Variants in RAB11FIP4 observed in about 807,000 individuals in gnomAD.
RAB11FIP4 encodes rab11 family-interacting protein 4.
RAB11FIP4 carries 23 observed loss-of-function variants against 74.3 expected under a neutral mutation model. The observed-to-expected ratio is 0.31, with a 90% CI of 0.22 to 0.44. RAB11FIP4 has a LOEUF of 0.44. Ranked by LOEUF, RAB11FIP4 falls within the 20% of genes least tolerant of loss-of-function variation. The pLI is 1.00. For missense variants in RAB11FIP4, 630 were observed against 863.9 expected (o/e 0.73, Z 3.39); for synonymous variants, 360 against 359.9 (o/e 1.00, Z 0.00).
At chr17:31,474,847 A>T (rs1404233235) in intron 3 of RAB11FIP4, among the ~76,000 whole-genome samples, 1 of 43,228 alleles carries the variant, frequency 2.3e-5, no homozygotes, top group African/African-American at 1.3e-4. Flanking sequence ...CTGTCTCAAA[A>T]AACAAAACAA....
rs79667298 is a variant in RAB11FIP4, at chr17:31,524,043, C to T, written c.1133+47C>T. 7.6e-4 allele frequency: 1,055 copies of T among 1,394,438 alleles called. 6 individuals are homozygous for T. The African/African-American group carries it at 0.014, about 18-fold the overall frequency. 86.4% of individuals were successfully genotyped at this position (1,394,438 alleles called of 1,614,324 possible). ...GGGGCTCGGCCGTGACGCTGGGGAA[C>T]AAAGGGGGGTCCATCTTGCTAAGAC... On this transcript the variant is annotated intron_variant, in intron 9 of 14. Transcript: ENST00000621161.
chr17:31,447,108 C>G (rs1377483125), intron 3 of RAB11FIP4, among the ~76,000 whole-genome samples: 1 of 152,176 alleles, frequency 6.6e-6, no homozygotes, highest in East Asian at 1.9e-4. Context: ...CACGGTGAAA[C>G]CCCGTCTCCA....
In RAB11FIP4 at chr17:31,431,938, G is replaced by T. The variant is rs767999266; in HGVS notation, c.247+38G>T. Reference sequence around the variant, plus strand: ...CGGGAGGCTTTCCCAGGCGCTCTCCGGTCCTGCCCAGCTGGGGAAGCTGGT... The same window carrying T: ...CGGGAGGCTTTCCCAGGCGCTCTCCTGTCCTGCCCAGCTGGGGAAGCTGGT... On this transcript the variant is annotated intron_variant, in intron 2 of 14. Coordinates refer to ENST00000621161, the MANE Select transcript of RAB11FIP4 (RefSeq NM_032932.6). 2.7e-6 allele frequency: 4 copies of T among 1,464,478 alleles called. No homozygotes were observed. In the East Asian group the frequency reaches 9.2e-5, roughly 34 times the overall value. The allele number at this position is 1,464,478 out of a possible 1,614,324, so 90.7% of individuals were successfully genotyped here. A position where few individuals can be genotyped will look rare whatever the true frequency, so the allele number is the denominator to read the frequency against.
chr17:31,522,201 GA>G (rs2142818546), intron 6 of RAB11FIP4, 152 bp downstream of exon 6: 2 of 1,309,366 alleles, frequency 1.5e-6, no homozygotes, highest in East Asian at 4.6e-5. Context: ...TCTGCCACAG[GA>G]AATCAGGCTG....
At chr17:31,508,175 AAGTGGCAC>A (rs1238532555) in intron 3 of RAB11FIP4, among the ~76,000 whole-genome samples, 3 of 152,084 alleles carry the variant, frequency 2.0e-5, no homozygotes, top group African/African-American at 7.2e-5. Flanking sequence ...ATTGGAACGG[AAGTGGCAC>A]AGTGGGGAGA....
Position 31,522,000 on chromosome 17 carries a change from A to C in RAB11FIP4, c.844A>C (p.Asn282His), listed in dbSNP as rs192634486. The C allele has an allele frequency of 6.2e-7, 1 of 1,614,178 alleles. No individual in the cohort carries two copies. Among genetic ancestry groups the C allele is most frequent in the Non-Finnish European group, 8.5e-7 (1 of 1,180,044 alleles). ...CTGCTCTCAATGCTGCAAGAAAATC[A>C]ACCTGCTCAATGACTTGGAAGCCCG... ...VYCSQCCKKINLLNDLEARLK... is the reference protein window; with the variant it reads ...VYCSQCCKKIHLLNDLEARLK... The change falls in exon 6 of 15, where the codon AAC becomes CAC. Residue 282 changes from asparagine (N) to histidine (H), a missense_variant. Coordinates refer to ENST00000621161, the MANE Select transcript of RAB11FIP4 (RefSeq NM_032932.6).
intron 3 of RAB11FIP4, among the ~76,000 whole-genome samples, chr17:31,506,805 C>G (rs1240692009): frequency 2.0e-5 from 3 of 152,178 alleles, no homozygotes; most frequent in African/African-American, 7.2e-5. Context: ...ACTTAGTTGA[C>G]TCCATATTTT....
chr17:31,475,332 T>A (rs1424621243), intron 3 of RAB11FIP4, among the ~76,000 whole-genome samples: 2 of 152,198 alleles, frequency 1.3e-5, no homozygotes, highest in African/African-American at 4.8e-5. Flanking sequence ...CAAAGGGCAC[T>A]GGTGCGCTTC....
intron 1 of RAB11FIP4, among the ~76,000 whole-genome samples, chr17:31,426,599 C>CTTTTTTTTTTTTTTTTTTTTTT (rs59839758): frequency 8.2e-6 from 1 of 122,062 alleles, no homozygotes. Context: ...TTTTCTTTTC[C>CTTTTTTTTTTTTTTTTTTTTTT]TTTTTTTTTT....
intron 3 of RAB11FIP4, among the ~76,000 whole-genome samples, chr17:31,444,759 T>G (rs8076536): frequency 0.016 from 2,450 of 152,302 alleles, 74 homozygotes; most frequent in African/African-American, 0.056. Flanking sequence ...GGGAAAAATT[T>G]GGGTTTTATG....
chr17:31,393,313 G>A (rs1208058677), intron 1 of RAB11FIP4, among the ~76,000 whole-genome samples: 3 of 152,228 alleles, frequency 2.0e-5, no homozygotes, highest in Non-Finnish European at 2.9e-5. Flanking sequence ...AAGCCCTTCC[G>A]TTTTTCCAGT....
In RAB11FIP4 at chr17:31,502,206, A is replaced by G. The variant is rs564851358; in HGVS notation, c.337-15445A>G. ...GCCATCGCACTCTGGCCTGGTTGAC[A>G]GAGCGATACCTTGTCTCAAAAAAAA... On this transcript the variant is annotated intron_variant, in intron 3 of 14. Coordinates refer to ENST00000621161, the MANE Select transcript of RAB11FIP4 (RefSeq NM_032932.6). Among the ~76,000 whole-genome samples, 35 of 150,784 alleles carry G rather than the reference A, an allele frequency of 2.3e-4. No individual in the cohort carries two copies. In the East Asian group the frequency reaches 4.9e-3, roughly 21 times the overall value.
intron 4 of RAB11FIP4, 148 bp from the exon 5 acceptor site, chr17:31,521,018 G>A (rs1190462701): frequency 1.8e-6 from 1 of 560,876 alleles, no homozygotes. Flanking sequence ...CCTTTAGATA[G>A]GGTCCCTGAA....
intron 3 of RAB11FIP4, among the ~76,000 whole-genome samples, chr17:31,508,236 C>G (rs1361388022): frequency 6.6e-6 from 1 of 152,172 alleles, no homozygotes; most frequent in Non-Finnish European, 1.5e-5. Context: ...CTCAGCTGTT[C>G]GGGATGTTTC....
At chr17:31,433,580 G>A (rs2071329615) in intron 2 of RAB11FIP4, among the ~76,000 whole-genome samples, 1 of 152,234 alleles carries the variant, frequency 6.6e-6, no homozygotes, top group Non-Finnish European at 1.5e-5. Flanking sequence ...TACAGAGTCA[G>A]CAGGAACTGC....
intron 1 of RAB11FIP4, among the ~76,000 whole-genome samples, chr17:31,414,938 G>A (rs545066546): frequency 1.3e-5 from 2 of 152,194 alleles, no homozygotes; most frequent in African/African-American, 4.8e-5. Flanking sequence ...TTCCTCAGGG[G>A]CTCAGAGGCA....
At chr17:31,524,976 T>A in intron 9 of RAB11FIP4, 114 bp from the exon 10 acceptor site, 1 of 1,294,200 alleles carries the variant, frequency 7.7e-7, no homozygotes, top group South Asian at 1.3e-5. Context: ...CCACACGCCC[T>A]CAGTGGACAT....
intron 1 of RAB11FIP4, among the ~76,000 whole-genome samples, chr17:31,404,312 C>T (rs1434822243): frequency 2.6e-5 from 4 of 152,226 alleles, no homozygotes; most frequent in East Asian, 1.9e-4. Context: ...CTCTCCGCCC[C>T]GTCCCCACTT....
intron 1 of RAB11FIP4, among the ~76,000 whole-genome samples, chr17:31,423,901 G>A (rs1200830246): frequency 6.6e-6 from 1 of 151,970 alleles, no homozygotes; most frequent in African/African-American, 2.4e-5. Context: ...CTTTCTCGGA[G>A]TTTTAGGTCC....
Sources: gnomAD v4.1 joint callset for allele counts (sites outside exome capture counted in the v4.1 genomes callset) on GRCh38, gnomAD v4.1.1 for gene constraint, MANE v1.5 for transcripts, NCBI Gene and HGNC (gene_info 2026-07-23, HGNC 2026-07-21) for gene names.